The following CLASP1 variants were observed in gnomAD, a reference collection of about 807,000 sequenced individuals.
The protein encoded by CLASP1 is CLIP-associating protein 1.
CLASP1 carries 38 observed loss-of-function variants against 192.3 expected under a neutral mutation model. The observed-to-expected ratio is 0.20, with a 90% CI of 0.15 to 0.26. CLASP1 has a LOEUF of 0.26. Ranked by LOEUF, CLASP1 falls within the 10% of genes least tolerant of loss-of-function variation. The pLI is 1.00. For synonymous variants in CLASP1, 691 were observed against 712.8 expected (o/e 0.97, Z 0.49); for missense variants, 1,433 against 1,932.5 (o/e 0.74, Z 4.85).
At chr2:121,501,482 T>A (rs937554411) in intron 8 of CLASP1, among the ~76,000 whole-genome samples, 2 of 152,168 alleles carry the variant, frequency 1.3e-5, no homozygotes, top group Admixed American at 6.5e-5. Context: ...TACACCATAG[T>A]TAAAATTATA....
At chr2:121,639,005 G>A (rs569309746) in intron 1 of CLASP1, among the ~76,000 whole-genome samples, 10 of 152,136 alleles carry the variant, frequency 6.6e-5, no homozygotes, top group East Asian at 3.9e-4. Context: ...GGCCAGGTGC[G>A]GTGGCTCACG....
At chr2:121,428,279 G>A (rs531754850) in intron 20 of CLASP1, among the ~76,000 whole-genome samples, 1 of 152,162 alleles carries the variant, frequency 6.6e-6, no homozygotes, top group East Asian at 1.9e-4. Flanking sequence ...CCTAGCTGGG[G>A]CAGGGAACCC....
chr2:121,613,860 T>A (rs2066014238), intron 1 of CLASP1, among the ~76,000 whole-genome samples: 1 of 152,190 alleles, frequency 6.6e-6, no homozygotes, highest in Non-Finnish European at 1.5e-5. Context: ...TTCCCATAAG[T>A]CTACGAGGTG....
intron 2 of CLASP1, chr2:121,531,080 A>C (rs9678017): frequency 4.1e-5 from 28 of 682,932 alleles, no homozygotes; most frequent in African/African-American, 3.7e-4. Flanking sequence ...CTTTGTGGTT[A>C]AACCAGTAGA....
In CLASP1 at chr2:121,632,041, C is replaced by T. The variant is rs552875738; in HGVS notation, c.-286+17331G>A. Among the ~76,000 whole-genome samples the T allele has an allele frequency of 2.0e-5, 3 of 151,996 alleles. No individual in the cohort carries two copies. The South Asian group carries it at 6.2e-4, about 32-fold the overall frequency. Reference sequence around the variant, plus strand: ...CAGCCCAGGCAACAGAGCAAGACCCCATCTCAAAACAAATAAAATAAAATA... The same window carrying T: ...CAGCCCAGGCAACAGAGCAAGACCCTATCTCAAAACAAATAAAATAAAATA... On this transcript the variant is annotated intron_variant, in intron 1 of 39. Transcript: ENST00000263710.
At chr2:121,575,529 AAAGT>A (rs367868866) in intron 2 of CLASP1, among the ~76,000 whole-genome samples, 127 of 152,336 alleles carry the variant, frequency 8.3e-4, no homozygotes, top group African/African-American at 3.0e-3. Context: ...TAAAAGGGAG[AAAGT>A]AAGAGAAGAT....
In CLASP1 at chr2:121,535,696, T is replaced by C. The variant is rs1446139083; in HGVS notation, c.196-5371A>G. Among the ~76,000 whole-genome samples, 53 of 152,116 alleles carry C rather than the reference T, an allele frequency of 3.5e-4. 1 individual carries two copies. Among genetic ancestry groups the C allele is most frequent in the Admixed American group, 3.5e-3 (53 of 15,276 alleles). ...TAGGATCATGCTCTGTCACCCAGGC[T>C]GGAGTGTAGTTGCGTGATTTCGGCT... On this transcript the variant is annotated intron_variant, in intron 2 of 39. Transcript: ENST00000263710.
intron 37 of CLASP1, among the ~76,000 whole-genome samples, chr2:121,360,287 C>A (rs2066131435): frequency 6.6e-6 from 1 of 152,138 alleles, no homozygotes; most frequent in Non-Finnish European, 1.5e-5. Flanking sequence ...TCCAAGAGAG[C>A]TAACTTTGGG....
At chr2:121,411,230 G>A (rs963653124) in intron 23 of CLASP1, among the ~76,000 whole-genome samples, 2 of 152,142 alleles carry the variant, frequency 1.3e-5, no homozygotes, top group African/African-American at 2.4e-5. Flanking sequence ...AGAGGGAAGC[G>A]GGAACTTATT....
chr2:121,460,254 G>C (rs1160817243), intron 11 of CLASP1, 129 bp from the exon 12 acceptor site: 1 of 670,218 alleles, frequency 1.5e-6, no homozygotes, highest in Non-Finnish European at 2.4e-6. Context: ...TTTCCCAAAA[G>C]AATTCAGCCA....
intron 24 of CLASP1, chr2:121,409,073 TG>T: frequency 6.4e-7 from 1 of 1,551,148 alleles, no homozygotes. Flanking sequence ...TATTGAAGGA[TG>T]GGGAAAAAGC....
At chr2:121,438,443 T>C (rs1251778339) in intron 19 of CLASP1, among the ~76,000 whole-genome samples, 3 of 152,194 alleles carry the variant, frequency 2.0e-5, no homozygotes, top group South Asian at 2.1e-4. Context: ...CCTGTCCACC[T>C]TGTCATGGAT....
chr2:121,457,252 T>A (rs540693993), intron 14 of CLASP1, among the ~76,000 whole-genome samples: 2 of 152,190 alleles, frequency 1.3e-5, no homozygotes, highest in African/African-American at 4.8e-5. Flanking sequence ...AACACATACC[T>A]TTCCCCTCAC....
At chr2:121,639,836 C>A (rs2071674697) in intron 1 of CLASP1, among the ~76,000 whole-genome samples, 1 of 144,432 alleles carries the variant, frequency 6.9e-6, no homozygotes, top group Non-Finnish European at 1.5e-5. Context: ...GCACTTCAGC[C>A]TGGGCAACAA....
intron 2 of CLASP1, among the ~76,000 whole-genome samples, chr2:121,579,270 G>A (rs147345504): frequency 1.5e-3 from 236 of 152,314 alleles, no homozygotes; most frequent in Non-Finnish European, 2.2e-3. Flanking sequence ...TTTCTCACAT[G>A]TATGGGATTC....
At chr2:121,382,753 T>C (rs2072043779) in intron 32 of CLASP1, among the ~76,000 whole-genome samples, 1 of 152,210 alleles carries the variant, frequency 6.6e-6, no homozygotes, top group Non-Finnish European at 1.5e-5. Flanking sequence ...CATGGGGCCT[T>C]AATTCAAATC....
At chr2:121,611,248 T>G (rs1218415138) in intron 1 of CLASP1, among the ~76,000 whole-genome samples, 99 of 32,544 alleles carry the variant, frequency 3.0e-3, no homozygotes, top group South Asian at 3.9e-3. Context: ...GGAGGAGGCG[T>G]TGGAGGAGTT....
At chr2:121,383,787 T>C (rs560519659) in intron 32 of CLASP1, among the ~76,000 whole-genome samples, 6 of 152,082 alleles carry the variant, frequency 3.9e-5, no homozygotes, top group Non-Finnish European at 8.8e-5. Context: ...GGGTAAAAGA[T>C]AAATATGTAC....
At chr2:121,366,412 A>G (rs1241048690) in intron 35 of CLASP1, among the ~76,000 whole-genome samples, 1 of 152,198 alleles carries the variant, frequency 6.6e-6, no homozygotes, top group Non-Finnish European at 1.5e-5. Context: ...TAATCCCTAC[A>G]GCCATTTCTG....
Sources: gnomAD v4.1 joint callset for allele counts (sites outside exome capture counted in the v4.1 genomes callset) on GRCh38, gnomAD v4.1.1 for gene constraint, MANE v1.5 for transcripts, NCBI Gene and HGNC (gene_info 2026-07-23, HGNC 2026-07-21) for gene names.